The following HPSE2 variants were observed in gnomAD, a reference collection of about 807,000 sequenced individuals.
The protein encoded by HPSE2 is inactive heparanase-2.
A neutral mutation model predicts 60.5 loss-of-function variants in HPSE2; 38 were observed. That is an observed-to-expected ratio of 0.63 (90% confidence interval 0.48 to 0.82). The LOEUF is 0.82. Ranked by LOEUF, HPSE2 falls within the 40% of genes least tolerant of loss-of-function variation. The probability of loss-of-function intolerance (pLI) is 0.00; values close to 1 mark genes in which losing one functional copy is unlikely to be tolerated. For missense variants in HPSE2, 713 were observed against 740.4 expected (o/e 0.96, Z 0.43); for synonymous variants, 295 against 293.2 (o/e 1.01, Z -0.06).
chr10:98,678,264 T>A (rs549322431), intron 6 of HPSE2, among the ~76,000 whole-genome samples: 19 of 152,126 alleles, frequency 1.2e-4, no homozygotes, highest in Non-Finnish European at 2.8e-4. Flanking sequence ...TTTTCCCCCA[T>A]CCACATGTCA....
rs138431067 is a variant in HPSE2 at position 98,640,508 on chromosome 10, C to T, written c.1098+1339G>A. On this transcript the variant is annotated intron_variant, in intron 7 of 11. Transcript: ENST00000370552. Reference sequence around the variant, plus strand: ...TCTGAGTATGACATTGGGATGAATACAAAAAAGGTCAAGACCTCCACTTTA... The same window carrying T: ...TCTGAGTATGACATTGGGATGAATATAAAAAAGGTCAAGACCTCCACTTTA... Among the ~76,000 whole-genome samples, 562 of 152,170 alleles carry T rather than the reference C, an allele frequency of 3.7e-3. 4 individuals are homozygous for T. Among genetic ancestry groups the T allele is most frequent in the African/African-American group, 0.013 (542 of 41,524 alleles).
chr10:98,556,533 A>G (rs1944013221), intron 9 of HPSE2, among the ~76,000 whole-genome samples: 1 of 152,232 alleles, frequency 6.6e-6, no homozygotes, highest in South Asian at 2.1e-4. Flanking sequence ...TACTACCAAC[A>G]ACTATGAAGA....
intron 3 of HPSE2, among the ~76,000 whole-genome samples, chr10:99,032,797 C>T (rs966049001): frequency 2.0e-5 from 3 of 152,146 alleles, no homozygotes; most frequent in African/African-American, 4.8e-5. Context: ...CACTCCTTGG[C>T]TCATAAGCCA....
chr10:98,773,822 G>T (rs1352157025), intron 3 of HPSE2, among the ~76,000 whole-genome samples: 2 of 152,182 alleles, frequency 1.3e-5, no homozygotes, highest in East Asian at 3.9e-4. Context: ...GGGAGGCTAA[G>T]GTGAAAGGAT....
intron 4 of HPSE2, among the ~76,000 whole-genome samples, chr10:98,727,192 TG>T (rs1949107657): frequency 1.3e-5 from 2 of 152,092 alleles, no homozygotes. Context: ...AATTCAGAGT[TG>T]GTCCAGTATA....
At position 98,963,811 on chromosome 10, in the gene HPSE2, C is replaced by T. The variant is rs189219646; in HGVS notation, c.610+180427G>A. Reference sequence around the variant, plus strand: ...TTGAGGATTAGTCATGGAATCATGACTAATGGAATCATGACATGGCTGTGT... The same window carrying T: ...TTGAGGATTAGTCATGGAATCATGATTAATGGAATCATGACATGGCTGTGT... On this transcript the variant is annotated intron_variant, in intron 3 of 11. Transcript: ENST00000370552. Among the ~76,000 whole-genome samples, 827 of 152,052 alleles carry T rather than the reference C, an allele frequency of 5.4e-3. 6 individuals carry two copies. Among genetic ancestry groups the T allele is most frequent in the Non-Finnish European group, 8.9e-3 (605 of 67,968 alleles).
chr10:98,821,850 C>A (rs1342120221), intron 3 of HPSE2, among the ~76,000 whole-genome samples: 1 of 152,100 alleles, frequency 6.6e-6, no homozygotes, highest in Non-Finnish European at 1.5e-5. Context: ...AATCATGCAG[C>A]AAAAGCAACT....
At chr10:99,262,071 T>A in the HPSE2 span, among the ~76,000 whole-genome samples, 1 of 152,202 alleles carries the variant, frequency 6.6e-6, no homozygotes, top group Non-Finnish European at 1.5e-5. Flanking sequence ...AGACTCACAC[T>A]GCCCGATCGC....
intron 9 of HPSE2, among the ~76,000 whole-genome samples, chr10:98,554,747 A>C (rs1943956982): frequency 6.6e-6 from 1 of 152,206 alleles, no homozygotes. Context: ...CTTAGAAAGC[A>C]CACTAGTCTG....
At chr10:98,474,083 C>A (rs1940899047) in intron 11 of HPSE2, among the ~76,000 whole-genome samples, 1 of 151,992 alleles carries the variant, frequency 6.6e-6, no homozygotes. Context: ...GACCAGAGTT[C>A]AAAAAATGTA....
intron 7 of HPSE2, among the ~76,000 whole-genome samples, chr10:98,631,672 T>C (rs1469526559): frequency 6.6e-6 from 1 of 152,226 alleles, no homozygotes; most frequent in Non-Finnish European, 1.5e-5. Flanking sequence ...TTCCTCCAAA[T>C]GTCCATGGGT....
At chr10:99,025,293 A>G (rs1957352629) in intron 3 of HPSE2, among the ~76,000 whole-genome samples, 1 of 152,144 alleles carries the variant, frequency 6.6e-6, no homozygotes, top group Non-Finnish European at 1.5e-5. Flanking sequence ...CAGTGTGACA[A>G]TTCCTCAAAG....
chr10:98,925,481 C>G (rs537128646), intron 3 of HPSE2, among the ~76,000 whole-genome samples: 1 of 152,022 alleles, frequency 6.6e-6, no homozygotes, highest in South Asian at 2.1e-4. Flanking sequence ...CAAAGGGAGG[C>G]TCCTCATTAT....
intron 9 of HPSE2, among the ~76,000 whole-genome samples, chr10:98,566,991 A>G (rs1355786160): frequency 6.6e-6 from 1 of 152,322 alleles, no homozygotes; most frequent in East Asian, 1.9e-4. Context: ...GGCTAACTGT[A>G]CTCATACACT....
the HPSE2 span, among the ~76,000 whole-genome samples, chr10:99,295,937 T>A: frequency 6.6e-6 from 1 of 152,336 alleles, no homozygotes; most frequent in East Asian, 1.9e-4. Flanking sequence ...GGTTATCATC[T>A]TAGACAACAC....
intron 3 of HPSE2, among the ~76,000 whole-genome samples, chr10:98,904,701 A>G (rs897066756): frequency 6.6e-6 from 1 of 152,194 alleles, no homozygotes; most frequent in African/African-American, 2.4e-5. Flanking sequence ...AAAACTGTGA[A>G]TTATCTCCAT....
intron 1 of HPSE2, among the ~76,000 whole-genome samples, chr10:99,234,126 G>GA: frequency 6.6e-6 from 1 of 152,340 alleles, no homozygotes; most frequent in Admixed American, 6.5e-5. Context: ...TCTGCTGCAC[G>GA]AAAGAGCTTT....
intron 10 of HPSE2, among the ~76,000 whole-genome samples, chr10:98,484,293 A>C (rs1591250543): frequency 1.3e-5 from 2 of 149,948 alleles, no homozygotes; most frequent in Admixed American, 1.3e-4. Context: ...GCTGGAGTGC[A>C]GTGGCACGAT....
At chr10:98,624,802 A>G (rs1375668266) in intron 7 of HPSE2, among the ~76,000 whole-genome samples, 1 of 152,250 alleles carries the variant, frequency 6.6e-6, no homozygotes, top group Non-Finnish European at 1.5e-5. Flanking sequence ...AGACACATAC[A>G]CTAGGCCAAT....
Sources: allele counts gnomAD v4.1 joint callset (sites outside exome capture counted in the v4.1 genomes callset), GRCh38; gene constraint gnomAD v4.1.1; transcripts MANE v1.5; gene names NCBI Gene and HGNC (gene_info 2026-07-23, HGNC 2026-07-21).